The following ZNF28 variants were observed in gnomAD, a reference collection of about 807,000 sequenced individuals.
ZNF28 encodes zinc finger protein KOX24.
A neutral mutation model predicts 7.2 loss-of-function variants in ZNF28; 5 were observed. That is an observed-to-expected ratio of 0.70 (90% CI 0.36 to 1.46). ZNF28 has a LOEUF of 1.46. Ranked by LOEUF, ZNF28 falls within the 40% of genes most tolerant of loss-of-function variation. The pLI is 0.03. For missense variants in ZNF28, 879 were observed against 866.6 expected, an observed-to-expected ratio of 1.01 and a Z score of -0.18; for synonymous variants, 288 against 292.4, an observed-to-expected ratio of 0.99 and a Z score of 0.15.
Position 52,812,705 on chromosome 19 carries a change from T to C in ZNF28, c.16-4572A>G, listed in dbSNP as rs546657541. Among the ~76,000 whole-genome samples, 1,078 of 126,950 alleles carry C rather than the reference T, an allele frequency of 8.5e-3. 23 individuals are homozygous for C. Among genetic ancestry groups the C allele is most frequent in the African/African-American group, 0.033 (1,042 of 31,838 alleles). The allele number at this position is 126,950 out of a possible 152,430, so 83.3% of individuals were successfully genotyped here. A position where few individuals can be genotyped will look rare whatever the true frequency, so the allele number is the denominator to read the frequency against. On this transcript the variant is annotated intron_variant, in intron 2 of 3. Coordinates refer to ENST00000457749, the MANE Select transcript of ZNF28 (RefSeq NM_006969.5). The stretch of plus-strand genomic sequence containing the variant: ...GTTTATCTGCTGACCTTCCCTCCAC[T>C]ATTGTCCTATGACCCTGCCAAATCC...
chr19:52,807,293 A>G (rs1335345962), intron 3 of ZNF28, among the ~76,000 whole-genome samples: 3 of 152,166 alleles, frequency 2.0e-5, no homozygotes, highest in Non-Finnish European at 4.4e-5. Flanking sequence ...AGAAGACATT[A>G]CAGATGAATC....
At chr19:52,806,545 A>C (rs2062939116) in intron 3 of ZNF28, among the ~76,000 whole-genome samples, 1 of 145,770 alleles carries the variant, frequency 6.9e-6, no homozygotes, top group Non-Finnish European at 1.5e-5. Context: ...TAATATGTTT[A>C]ACATACCTGC....
chr19:52,815,782 A>G (rs1477046968), intron 2 of ZNF28, among the ~76,000 whole-genome samples: 6 of 146,106 alleles, frequency 4.1e-5, no homozygotes, highest in Admixed American at 2.1e-4. Context: ...CCGAGATTGC[A>G]CCACTGCACT....
intron 1 of ZNF28, among the ~76,000 whole-genome samples, chr19:52,820,178 C>T (rs1334814912): frequency 7.6e-6 from 1 of 131,982 alleles, no homozygotes; most frequent in Non-Finnish European, 1.5e-5. Context: ...ACTGCAGTGG[C>T]GCAATCTCGG....
At chr19:52,821,169 C>T (rs1223736242) in intron 1 of ZNF28, among the ~76,000 whole-genome samples, 3 of 150,142 alleles carry the variant, frequency 2.0e-5, no homozygotes, top group Non-Finnish European at 2.9e-5. Context: ...GGGTGGGATC[C>T]GCAGGATCCC....
In ZNF28 at chr19:52,800,150, G is replaced by C. The variant is rs1303787393; in HGVS notation, c.1695C>G (p.His565Gln). Reference protein sequence around the residue: ...ECEKVFSRKSHMERHRRIHTG... With the variant: ...ECEKVFSRKSQMERHRRIHTG... ...TATGAATCCTCCTATGTCTTTCCAT[G>C]TGTGATTTGCGACTGAAAACTTTCT... Residue 565 changes from histidine (H) to glutamine (Q), a missense_variant, in exon 4 of 4, where the codon CAC (histidine) becomes CAG (glutamine). This residue lies in a region of ZNF28 where 864 missense variants were observed against 830.2 expected (regional missense o/e 1.04). Coordinates refer to ENST00000457749, the MANE Select transcript of ZNF28 (RefSeq NM_006969.5). The C allele has an allele frequency of 6.2e-7, 1 of 1,613,720 alleles. No individual in the cohort carries two copies. The highest frequency in any genetic ancestry group is 8.5e-7 in the Non-Finnish European group (1 of 1,179,876).
In ZNF28 at chr19:52,801,472, G is replaced by A; in HGVS notation, c.373C>T (p.Gln125Ter). ...TTTCCAGCATGCCTTTGATCATGTT[G>A]GCCTGTACTACCAGTCAACTCTTTG... ...EIKELTGSTG[Q>*]HDQRHAGNKH... Residue 125 changes from glutamine (Q) to a stop codon, truncating the protein, a stop_gained, in exon 4 of 4, where the codon CAA (glutamine) becomes TAA (stop). Transcript: ENST00000457749. LOFTEE classifies it low-confidence loss of function (END_TRUNC). The A allele has an allele frequency of 6.2e-7, 1 of 1,614,120 alleles. No individual in the cohort carries two copies. The highest frequency in any genetic ancestry group is 8.5e-7 in the Non-Finnish European group (1 of 1,180,024).
intron 2 of ZNF28, chr19:52,810,780 CA>C (rs11330894): frequency 0.59 from 229,548 of 386,500 alleles, 74,501 homozygotes; most frequent in Non-Finnish European, 0.67. Context: ...AAAAAAAACC[CA>C]AAAAAAACAG....
At chr19:52,815,651 CATCTCTACTA>C (rs1194165302) in intron 2 of ZNF28, among the ~76,000 whole-genome samples, 1 of 146,354 alleles carries the variant, frequency 6.8e-6, no homozygotes, top group Non-Finnish European at 1.5e-5. Context: ...AATGAAACCC[CATCTCTACTA>C]AAAATACAAA....
chr19:52,810,657 T>TCGCGTCTACAGGGGC, intron 2 of ZNF28: 1 of 1,137,822 alleles, frequency 8.8e-7, no homozygotes, highest in Non-Finnish European at 1.3e-6. Context: ...GGCTCTGGGG[T>TCGCGTCTACAGGGGC]CGCGTCTACA....
intron 2 of ZNF28, chr19:52,810,072 C>A: frequency 4.0e-6 from 3 of 753,552 alleles, no homozygotes; most frequent in Non-Finnish European, 7.1e-6. Flanking sequence ...AGCTCCAGGA[C>A]CTGGGCCTCG....
Position 52,821,613 on chromosome 19 carries a change from A to G in ZNF28, c.-101T>C, listed in dbSNP as rs2063199655. Reference sequence around the variant, plus strand: ...CCCGCCGCGGCGTCACCGTCATTCCACGGGATCCGCTTCCTGGTCTGCGCG... The same window carrying G: ...CCCGCCGCGGCGTCACCGTCATTCCGCGGGATCCGCTTCCTGGTCTGCGCG... On this transcript the variant is annotated 5_prime_UTR_variant, in exon 1 of 4. Transcript: ENST00000457749. 1 of 152,176 alleles carries G rather than the reference A, an allele frequency of 6.6e-6. No homozygotes were observed. Among genetic ancestry groups the G allele is most frequent in the Non-Finnish European group, 1.5e-5 (1 of 68,042 alleles). The allele number at this position is 152,176 out of a possible 1,614,324, so 9.4% of individuals were successfully genotyped here. A position where few individuals can be genotyped will look rare whatever the true frequency, so the allele number is the denominator to read the frequency against.
chr19:52,802,993 C>T (rs959765717), intron 3 of ZNF28, among the ~76,000 whole-genome samples: 2 of 152,058 alleles, frequency 1.3e-5, no homozygotes, highest in Non-Finnish European at 1.5e-5. Flanking sequence ...GATCTCCTGA[C>T]CTTGTGATCC....
At position 52,798,501 on chromosome 19, in the gene ZNF28, C is replaced by G; in HGVS notation, c.*1187G>C. ...GAGTGATCTCGGACTGAAGACCTTA[C>G]CACACTGATGACATTTGTAAGATTT... is the stretch of plus-strand genomic sequence containing the variant. On this transcript the variant is annotated 3_prime_UTR_variant, in exon 4 of 4. Coordinates refer to ENST00000457749, the MANE Select transcript of ZNF28 (RefSeq NM_006969.5). The G allele has an allele frequency of 5.9e-6, 3 of 506,282 alleles. No homozygotes were observed. The highest frequency in any genetic ancestry group is 4.4e-5 in the South Asian group (3 of 67,846). The allele number at this position is 506,282 out of a possible 1,614,324, so 31.4% of individuals were successfully genotyped here.
chr19:52,816,731 T>C (rs781227763), intron 2 of ZNF28, among the ~76,000 whole-genome samples: 1 of 99,096 alleles, frequency 1.0e-5, no homozygotes, highest in African/African-American at 4.7e-5. Context: ...ACTAGGTGGG[T>C]TGAGACAGAG....
In ZNF28 at chr19:52,801,638, G is replaced by A; in HGVS notation, c.207C>T (p.Phe69=). 6.2e-7 allele frequency: 1 copy of A among 1,613,742 alleles called. No individual in the cohort carries two copies. The highest frequency in any genetic ancestry group is 1.7e-5 in the Admixed American group (1 of 59,982). The change falls in exon 4 of 4, where the codon TTC becomes TTT. Residue 69 remains phenylalanine, a synonymous_variant. Transcript: ENST00000457749. ...FSTGQGNTEA[F]HTGTLQRQAS... is the part of the protein sequence containing the mutation. Reference sequence around the variant, plus strand: ...CTTGTCTTTGCAATGTCCCTGTGTGGAACGCTTCTGTATTGCCTTGCCCTG... The same window carrying A: ...CTTGTCTTTGCAATGTCCCTGTGTGAAACGCTTCTGTATTGCCTTGCCCTG...
intron 3 of ZNF28, among the ~76,000 whole-genome samples, chr19:52,803,594 A>G (rs62119624): frequency 0.43 from 65,937 of 152,098 alleles, 16,282 homozygotes; most frequent in Non-Finnish European, 0.58. Context: ...AGCACACAAC[A>G]TAAGAACTGA....
rs375465067 is a variant in ZNF28, at chr19:52,801,430, G to C, written c.415C>G (p.Gln139Glu). ...TGCGAATGAAAGCTTAATCCAAGCT[G>C]ATCTTTAATATGCTTGTTTCCAGCA... ...RHAGNKHIKD[Q>E]LGLSFHSHLP... Residue 139 changes from glutamine to glutamate, a missense_variant, in exon 4 of 4, where the codon CAG (glutamine) becomes GAG (glutamate). Transcript: ENST00000457749. The C allele has an allele frequency of 1.9e-6, 3 of 1,614,086 alleles. No homozygotes were observed. The highest frequency in any genetic ancestry group is 1.3e-5 in the African/African-American group (1 of 74,934).
chr19:52,801,023 A>C lies in ZNF28; in HGVS notation c.822T>G (p.Asn274Lys), dbSNP rs147232987. The change falls in exon 4 of 4, where the codon AAT becomes AAG. Residue 274 changes from asparagine (N) to lysine (K), a missense_variant. Physicochemically the swap from Asn to Lys is moderately conservative, Grantham distance 94 (BLOSUM62 0). This residue lies in a region of ZNF28 where 864 missense variants were observed against 830.2 expected (regional missense o/e 1.04). Transcript: ENST00000457749. ...TGTGACCAAAGATCTTGCCACACTC[A>C]TTACACTTGTAAGGTTTCTCATCAA... The part of the protein sequence containing the change: ...SHIDEKPYKC[N>K]ECGKIFGHNT... 2.5e-6 allele frequency: 4 copies of C among 1,614,086 alleles called. No homozygotes were observed. The highest frequency in any genetic ancestry group is 3.4e-6 in the Non-Finnish European group (4 of 1,180,016).
Sources: allele counts gnomAD v4.1 joint callset (sites outside exome capture counted in the v4.1 genomes callset), GRCh38; gene constraint gnomAD v4.1.1; regional missense constraint gnomAD v4.1.1; transcripts MANE v1.5; gene names NCBI Gene and HGNC (gene_info 2026-07-23, HGNC 2026-07-21).